The following COP1 variants were observed in gnomAD, a reference collection of about 807,000 sequenced individuals.
COP1 encodes the protein COP1 E3 ubiquitin ligase.
Under a neutral mutation model 101.3 loss-of-function variants are expected in COP1, and 24 were observed. The ratio of observed to expected loss-of-function variants is 0.24; its 90% CI spans 0.17 to 0.33. COP1 has a LOEUF of 0.33. Among genes scored for constraint, COP1 ranks in the 10% least tolerant of loss-of-function variants. COP1 has a pLI of 1.00. For missense variants in COP1, 663 were observed against 906.2 expected (o/e 0.73, Z 3.45); for synonymous variants, 347 against 341.9 (o/e 1.01, Z -0.17).
chr1:176,140,986 C>T (rs1442092722), intron 6 of COP1, among the ~76,000 whole-genome samples: 2 of 152,090 alleles, frequency 1.3e-5, no homozygotes, highest in Admixed American at 6.6e-5. Context: ...GAATCCCTTA[C>T]GAAGATAATA....
rs1427549356 is a variant in COP1, at chr1:176,175,811, T to G, written c.565+99A>C. The G allele has an allele frequency of 9.0e-5, 57 of 634,562 alleles. No homozygotes were observed. The East Asian group carries it at 1.5e-3, about 17-fold the overall frequency. The allele number at this position is 634,562 out of a possible 1,614,324, so 39.3% of individuals were successfully genotyped here. A position where few individuals can be genotyped will look rare whatever the true frequency, so the allele number is the denominator to read the frequency against. ...ACTGTGGTATACAGTAGAGAGAGAC[T>G]TGCTTACCACTAAGGTAGGTTTTCT... On this transcript the variant is annotated intron_variant, in intron 3 of 19. Transcript: ENST00000367669.
At chr1:176,144,093 CG>C (rs1691194941) in intron 6 of COP1, among the ~76,000 whole-genome samples, 1 of 151,886 alleles carries the variant, frequency 6.6e-6, no homozygotes, top group South Asian at 2.1e-4. Flanking sequence ...ATCATTGTAC[CG>C]GATGTCCTAG....
intron 15 of COP1, among the ~76,000 whole-genome samples, chr1:176,025,381 G>C (rs568036565): frequency 8.5e-4 from 125 of 146,326 alleles, no homozygotes; most frequent in African/African-American, 3.1e-3. Flanking sequence ...AAAGCTACTA[G>C]ACTTAATGTA....
intron 3 of COP1, among the ~76,000 whole-genome samples, chr1:176,171,124 C>CA (rs1174700907): frequency 0.065 from 3,601 of 55,808 alleles, 366 homozygotes; most frequent in African/African-American, 0.088. Context: ...GACTCCATCT[C>CA]AAAAAAAAAA....
At chr1:176,111,536 A>G (rs1361412370) in intron 9 of COP1, among the ~76,000 whole-genome samples, 1 of 152,092 alleles carries the variant, frequency 6.6e-6, no homozygotes, top group East Asian at 1.9e-4. Flanking sequence ...CTTGCGATCC[A>G]CCTGCCTTGG....
chr1:176,181,384 G>A (rs1049950594), intron 2 of COP1, among the ~76,000 whole-genome samples: 4 of 149,936 alleles, frequency 2.7e-5, no homozygotes, highest in Non-Finnish European at 5.9e-5. Context: ...TCACATGTTA[G>A]GAAAGAGTAA....
At chr1:176,099,147 C>T (rs1256202356) in intron 9 of COP1, among the ~76,000 whole-genome samples, 2 of 152,090 alleles carry the variant, frequency 1.3e-5, no homozygotes, top group East Asian at 1.9e-4. Context: ...TTGTTATTCA[C>T]AGACAATTGC....
intron 5 of COP1, among the ~76,000 whole-genome samples, chr1:176,161,407 T>C (rs577397475): frequency 1.1e-4 from 16 of 152,096 alleles, no homozygotes; most frequent in African/African-American, 3.4e-4. Context: ...TAGGCCAATA[T>C]AGTGAGACCT....
At chr1:175,960,269 TA>T in intron 18 of COP1, among the ~76,000 whole-genome samples, 1 of 152,330 alleles carries the variant, frequency 6.6e-6, no homozygotes, top group East Asian at 1.9e-4. Context: ...TTCAAAGCTC[TA>T]ACGCTTCTAG....
In COP1 at chr1:176,135,075, G is replaced by A. The variant is rs1689578521; in HGVS notation, c.903C>T (p.Gly301=). 1.2e-6 allele frequency: 2 copies of A among 1,601,164 alleles called. No homozygotes were observed. Among genetic ancestry groups the A allele is most frequent in the Non-Finnish European group, 1.7e-6 (2 of 1,169,792 alleles). ...TATCCTCACTGACAGGAGAGTATAA[G>A]CCACTCATTTCCTGAAAATAAAATT... is the stretch of plus-strand genomic sequence containing the variant. ...EDIKRVEEMS[G]LYSPVSEDST... The change falls in exon 8 of 20, where the codon GGC becomes GGT. Residue 301 remains glycine, a synonymous_variant. Transcript: ENST00000367669.
intron 18 of COP1, among the ~76,000 whole-genome samples, chr1:175,962,371 CCTCA>C (rs1651480971): frequency 6.6e-6 from 1 of 152,114 alleles, no homozygotes; most frequent in Admixed American, 6.5e-5. Flanking sequence ...TCTGCACAAA[CCTCA>C]CTAACTAGCC....
chr1:176,134,661 C>A (rs1297039805), intron 8 of COP1, among the ~76,000 whole-genome samples: 1 of 151,970 alleles, frequency 6.6e-6, no homozygotes, highest in Admixed American at 6.6e-5. Context: ...TTTATTTTAT[C>A]ACATTTTTCC....
At chr1:175,970,822 T>C (rs780021890) in intron 18 of COP1, among the ~76,000 whole-genome samples, 2 of 152,110 alleles carry the variant, frequency 1.3e-5, no homozygotes, top group Non-Finnish European at 2.9e-5. Context: ...ATATACCAGA[T>C]AGAGGTACAT....
chr1:176,070,837 G>T (rs1676872634), intron 11 of COP1, among the ~76,000 whole-genome samples: 1 of 151,944 alleles, frequency 6.6e-6, no homozygotes, highest in Non-Finnish European at 1.5e-5. Context: ...TATTTTTGTA[G>T]AAATGAGGTC....
chr1:176,169,675 T>C (rs1399069912), intron 3 of COP1, among the ~76,000 whole-genome samples: 2 of 152,242 alleles, frequency 1.3e-5, no homozygotes, highest in East Asian at 3.8e-4. Flanking sequence ...ATAATCTTTT[T>C]GCTGGTAGAG....
chr1:176,038,458 A>T (rs187140616), intron 14 of COP1, among the ~76,000 whole-genome samples: 12 of 152,354 alleles, frequency 7.9e-5, no homozygotes, highest in Non-Finnish European at 1.5e-4. Context: ...AAAAACAAGG[A>T]TGAAGGACTT....
rs1700944788 is a variant in COP1 at position 176,207,120 on chromosome 1, C to T, written c.-142G>A. 1.6e-6 allele frequency: 1 copy of T among 618,624 alleles called. No individual in the cohort carries two copies. Among genetic ancestry groups the T allele is most frequent in the Non-Finnish European group, 2.4e-6 (1 of 410,504 alleles). 38.3% of individuals were successfully genotyped at this position (618,624 alleles called of 1,614,324 possible). A position where few individuals can be genotyped will look rare whatever the true frequency, so the allele number is the denominator to read the frequency against. ...GTGGGGCTGAGGAACAATAAAGTTGCGTTTTTTTTTAAGGCAGCCACACAA... is the reference window on the plus strand; with the variant it reads ...GTGGGGCTGAGGAACAATAAAGTTGTGTTTTTTTTTAAGGCAGCCACACAA... On this transcript the variant is annotated 5_prime_UTR_variant, in exon 1 of 20. Transcript: ENST00000367669.
chr1:176,154,837 TG>T (rs1367856655), intron 5 of COP1, among the ~76,000 whole-genome samples: 3 of 152,140 alleles, frequency 2.0e-5, no homozygotes, highest in African/African-American at 7.2e-5. Context: ...ATGACGGTAT[TG>T]GAAAGAAAAT....
chr1:176,044,754 G>A (rs1671212456), intron 12 of COP1, among the ~76,000 whole-genome samples: 1 of 152,150 alleles, frequency 6.6e-6, no homozygotes, highest in African/African-American at 2.4e-5. Context: ...GGCATCCTTA[G>A]GTATTGATCC....
Sources: gnomAD v4.1 joint callset for allele counts (sites outside exome capture counted in the v4.1 genomes callset) on GRCh38, gnomAD v4.1.1 for gene constraint, MANE v1.5 for transcripts, NCBI Gene and HGNC (gene_info 2026-07-23, HGNC 2026-07-21) for gene names.